NFIC: variants seen among roughly 807,000 people sequenced by gnomAD.
NFIC encodes nuclear factor I C, also known as nuclear factor 1 C-type.
NFIC carries 12 observed loss-of-function variants against 54.4 expected under a neutral mutation model. The observed-to-expected ratio is 0.22, with a 90% CI of 0.14 to 0.36. NFIC has a LOEUF of 0.36. Ranked by LOEUF, NFIC falls within the 10% of genes least tolerant of loss-of-function variation. NFIC has a pLI of 1.00. For missense variants in NFIC, 575 were observed against 718.2 expected (o/e 0.80, Z 2.28); for synonymous variants, 322 against 319.2 (o/e 1.01, Z -0.09).
intron 1 of NFIC, chr19:3,359,703 C>G (rs1170078141): frequency 7.0e-7 from 1 of 1,427,782 alleles, no homozygotes; most frequent in Non-Finnish European, 9.3e-7. Flanking sequence ...GCCGCACCCA[C>G]TTTCGTTTTC....
chr19:3,409,262 G>A (rs192100934), intron 2 of NFIC, among the ~76,000 whole-genome samples: 71 of 152,070 alleles, frequency 4.7e-4, no homozygotes, highest in Non-Finnish European at 8.2e-4. Flanking sequence ...CCTTGTCACC[G>A]AACCTTTGTG....
intron 3 of NFIC, among the ~76,000 whole-genome samples, chr19:3,429,231 C>CAA (rs367681612): frequency 0.012 from 457 of 36,688 alleles, 69 homozygotes; most frequent in African/African-American, 0.025. Context: ...ATCTCTACCC[C>CAA]AAAAAAAAAA....
intron 1 of NFIC, among the ~76,000 whole-genome samples, chr19:3,360,676 G>A (rs1039771972): frequency 1.3e-5 from 2 of 152,230 alleles, no homozygotes; most frequent in African/African-American, 2.4e-5. Flanking sequence ...TGTTGTGAGC[G>A]CCGCCCGCAT....
intron 2 of NFIC, among the ~76,000 whole-genome samples, chr19:3,409,477 G>A (rs2081714132): frequency 1.3e-5 from 2 of 152,258 alleles, no homozygotes; most frequent in East Asian, 1.9e-4. Context: ...GGTTCTGCCC[G>A]TCTCCCTCCC....
intron 6 of NFIC, among the ~76,000 whole-genome samples, chr19:3,440,272 C>T (rs1438368140): frequency 2.0e-5 from 3 of 152,008 alleles, no homozygotes; most frequent in South Asian, 2.1e-4. Flanking sequence ...CCACCCACTC[C>T]GTGTCAGGAG....
In NFIC at chr19:3,463,787, G is replaced by A; in HGVS notation, c.*1018G>A. 6.1e-6 allele frequency: 6 copies of A among 985,420 alleles called. No homozygotes were observed. The highest frequency in any genetic ancestry group is 7.2e-6 in the Non-Finnish European group (6 of 829,974). 61.0% of individuals were successfully genotyped at this position (985,420 alleles called of 1,614,324 possible). ...TCCCCGAGTTGGGGGTGCCCGTCTGGAGCGCCCCCGTCAGCCCCTGGCGGT... is the reference window on the plus strand; with the variant it reads ...TCCCCGAGTTGGGGGTGCCCGTCTGAAGCGCCCCCGTCAGCCCCTGGCGGT... On this transcript the variant is annotated 3_prime_UTR_variant, in exon 11 of 11. Transcript: ENST00000443272.
chr19:3,462,487 A>G (rs1025939997), intron 10 of NFIC, among the ~76,000 whole-genome samples: 1 of 152,222 alleles, frequency 6.6e-6, no homozygotes, highest in Non-Finnish European at 1.5e-5. Context: ...CTAGACTTAT[A>G]CTAAAAGAAT....
At chr19:3,388,269 G>A (rs1042398156) in intron 2 of NFIC, among the ~76,000 whole-genome samples, 3 of 152,280 alleles carry the variant, frequency 2.0e-5, no homozygotes, top group South Asian at 4.1e-4. Flanking sequence ...TTCCTGGATG[G>A]AATTGGGGAG....
At position 3,373,620 on chromosome 19, in the gene NFIC, C is replaced by A. The variant is rs988169399; in HGVS notation, c.30+6954C>A. 4.5e-4 allele frequency among the ~76,000 whole-genome samples: 60 copies of A among 134,002 alleles called. 2 individuals carry two copies. The South Asian group carries it at 0.013, about 28-fold the overall frequency. 87.9% of individuals were successfully genotyped at this position (134,002 alleles called of 152,430 possible). ...CTCCTGCAAGAGACCTTCCTGGACC[C>A]CCCCCCCAAGCTAAAAAACACCCCC... On this transcript the variant is annotated intron_variant, in intron 1 of 10. Coordinates refer to ENST00000443272, the MANE Select transcript of NFIC (RefSeq NM_001245002.2).
chr19:3,377,189 T>C (rs1351253411), intron 1 of NFIC, among the ~76,000 whole-genome samples: 1 of 151,162 alleles, frequency 6.6e-6, no homozygotes, highest in Non-Finnish European at 1.5e-5. Flanking sequence ...AAAAAATTAG[T>C]TGGGCATGGT....
chr19:3,443,666 A>G (rs776400715), intron 6 of NFIC, among the ~76,000 whole-genome samples: 8 of 152,082 alleles, frequency 5.3e-5, no homozygotes, highest in African/African-American at 7.2e-5. Context: ...GGAATCCTCT[A>G]AGACAGAGGA....
At chr19:3,434,994 TTAAGGACCGGAAG>T in intron 5 of NFIC, 76 bp from the exon 6 acceptor site, 1 of 1,455,270 alleles carries the variant, frequency 6.9e-7, no homozygotes, top group South Asian at 1.4e-5. Context: ...CCCCGCTCAC[TTAAGGACCGGAAG>T]TAGCAAAGCC....
chr19:3,421,404 C>T (rs1015736564), intron 2 of NFIC, among the ~76,000 whole-genome samples: 3 of 152,220 alleles, frequency 2.0e-5, no homozygotes, highest in African/African-American at 7.2e-5. Flanking sequence ...CACCGGTGCC[C>T]AGCCTTGAGA....
chr19:3,438,370 C>A (rs951870387), intron 6 of NFIC, among the ~76,000 whole-genome samples: 8 of 151,766 alleles, frequency 5.3e-5, no homozygotes, highest in Non-Finnish European at 7.4e-5. Context: ...GGTCTGTGCT[C>A]CTGCAGCTTC....
At chr19:3,395,917 T>C (rs2081455414) in intron 2 of NFIC, among the ~76,000 whole-genome samples, 1 of 152,024 alleles carries the variant, frequency 6.6e-6, no homozygotes, top group African/African-American at 2.4e-5. Flanking sequence ...TGACCTCGGG[T>C]CCCAAAGTGC....
At chr19:3,384,841 G>T (rs561162734) in intron 2 of NFIC, among the ~76,000 whole-genome samples, 166 of 152,224 alleles carry the variant, frequency 1.1e-3, no homozygotes, top group African/African-American at 3.8e-3. Flanking sequence ...ACTGCCTGTT[G>T]GGAGCAGGGG....
At chr19:3,379,661 T>A (rs940674910) in intron 1 of NFIC, among the ~76,000 whole-genome samples, 1 of 141,818 alleles carries the variant, frequency 7.1e-6, no homozygotes, top group Admixed American at 7.9e-5. Context: ...TTTCATTTTT[T>A]TTTATTTCTT....
At position 3,458,677 on chromosome 19, in the gene NFIC, C is replaced by A. The variant is rs142085178; in HGVS notation, c.1509+2042C>A. Among the ~76,000 whole-genome samples the A allele has an allele frequency of 2.7e-3, 278 of 104,396 alleles. 3 individuals are homozygous for A. The highest frequency in any genetic ancestry group is 0.01 in the African/African-American group (269 of 26,810). The allele number at this position is 104,396 out of a possible 152,430, so 68.5% of individuals were successfully genotyped here. A position where few individuals can be genotyped will look rare whatever the true frequency, so the allele number is the denominator to read the frequency against. On this transcript the variant is annotated intron_variant, in intron 10 of 10. Coordinates refer to ENST00000443272, the MANE Select transcript of NFIC (RefSeq NM_001245002.2). The surrounding 1 kb of genome is among the most constrained non-coding windows in gnomAD (Gnocchi z 4.1). ...GCTCAGCATAGGCAATGGTGTGGGT[C>A]GGGGGAGGGGGAGCTGGCTGGAATG... is the stretch of plus-strand genomic sequence containing the variant.
chr19:3,429,136 TACACACACACAC>T (rs57006287), intron 3 of NFIC, among the ~76,000 whole-genome samples: 10 of 83,894 alleles, frequency 1.2e-4, no homozygotes, highest in East Asian at 3.2e-4. Flanking sequence ...AAAAAAAATA[TACACACACACAC>T]ACACACACAC....
Sources: allele counts gnomAD v4.1 joint callset (sites outside exome capture counted in the v4.1 genomes callset), GRCh38; gene constraint gnomAD v4.1.1; non-coding constraint Gnocchi (gnomAD v3.1); transcripts MANE v1.5; gene names NCBI Gene and HGNC (gene_info 2026-07-23, HGNC 2026-07-21).